The following UBE2Q1 variants were observed in gnomAD, a reference collection of about 807,000 sequenced individuals.
The protein encoded by UBE2Q1 is ubiquitin-conjugating enzyme E2 Q1.
Under a neutral mutation model 60.1 loss-of-function variants are expected in UBE2Q1, and 6 were observed. That is an observed-to-expected ratio of 0.10 (90% CI 0.05 to 0.20). The LOEUF (loss-of-function observed/expected upper bound fraction) is 0.20. Ranked by LOEUF, UBE2Q1 falls within the 10% of genes least tolerant of loss-of-function variation. UBE2Q1 has a pLI of 1.00. For synonymous variants in UBE2Q1, 226 were observed against 208.3 expected (o/e 1.09, Z -0.73); for missense variants, 262 against 525.8 (o/e 0.50, Z 4.91).
At chr1:154,552,210 A>T (rs1345633087) in intron 7 of UBE2Q1, 27 bp from the exon 8 acceptor site, 3 of 1,613,848 alleles carry the variant, frequency 1.9e-6, no homozygotes, top group Non-Finnish European at 2.5e-6. Flanking sequence ...CTGGGCTCAG[A>T]TGCCTGGTTC....
At chr1:154,555,290 A>AGGGT in intron 3 of UBE2Q1, 138 bp downstream of exon 3, 1 of 721,492 alleles carries the variant, frequency 1.4e-6, no homozygotes, top group African/African-American at 1.7e-5. Flanking sequence ...GAGAAGAACG[A>AGGGT]GGGTGAGAGT....
chr1:154,552,068 A>G (rs1695798640), intron 8 of UBE2Q1, 25 bp downstream of exon 8: 1 of 1,614,084 alleles, frequency 6.2e-7, no homozygotes, highest in Non-Finnish European at 8.5e-7. Flanking sequence ...GGCCAGAGGG[A>G]GAGACTGGAA....
Position 154,558,363 on chromosome 1 carries a change from G to C in UBE2Q1, c.191C>G (p.Ala64Gly). ...RGHERFRIASACLDELSCEFL... is the reference protein window; with the variant it reads ...RGHERFRIASGCLDELSCEFL... ...CTCGCAGCTCAGCTCGTCCAGGCAG[G>C]CGCTGGCAATGCGGAAGCGCTCGTG... Residue 64 changes from alanine (A) to glycine (G), a missense_variant, in exon 1 of 13, where the codon GCC becomes GGC. Transcript: ENST00000292211. The C allele has an allele frequency of 6.4e-7, 1 of 1,554,798 alleles. No homozygotes were observed. The highest frequency in any genetic ancestry group is 8.7e-7 in the Non-Finnish European group (1 of 1,152,724).
rs368389808 is a variant in UBE2Q1 at position 154,558,614 on chromosome 1, TCCGCCGCCGCCGCCGCCGCCG to T, written c.-82_-62del. On this transcript the variant is annotated 5_prime_UTR_variant, in exon 1 of 13. Coordinates refer to ENST00000292211, the MANE Select transcript of UBE2Q1 (RefSeq NM_017582.7). ...GGAGCCTCCGGCCTGCGCTCCGGGC[TCCGCCGCCGCCGCCGCCGCCG>T]CCGCCGCCGCCGCGGTCCGCACTTC... is the stretch of plus-strand genomic sequence containing the variant. 4.4e-5 allele frequency: 40 copies of T among 916,086 alleles called. No individual in the cohort carries two copies. Among genetic ancestry groups the T allele is most frequent in the African/African-American group, 2.3e-4 (12 of 53,002 alleles). 56.7% of individuals were successfully genotyped at this position (916,086 alleles called of 1,614,324 possible).
chr1:154,558,258 C>A lies in UBE2Q1; in HGVS notation c.296G>T (p.Gly99Val), dbSNP rs769776532. Residue 99 changes from glycine (G) to valine (V), a missense_variant, in exon 1 of 13, where the codon GGG (glycine) becomes GTG (valine). Transcript: ENST00000292211. ...PHLPPRGSVPGDPVRIHCNIT... is the reference protein window; with the variant it reads ...PHLPPRGSVPVDPVRIHCNIT... ...GTTGCAGTGGATGCGGACAGGATCC[C>A]CAGGCACCGACCCCCGTGGGGGGAG... 1 of 1,564,734 alleles carries A rather than the reference C, an allele frequency of 6.4e-7. No individual in the cohort carries two copies. Among genetic ancestry groups the A allele is most frequent in the Non-Finnish European group, 8.6e-7 (1 of 1,158,294 alleles).
At chr1:154,555,810 G>T in intron 2 of UBE2Q1, 50 bp downstream of exon 2, 2 of 1,534,166 alleles carry the variant, frequency 1.3e-6, no homozygotes, top group Non-Finnish European at 1.8e-6. Context: ...TGCCTTTGTG[G>T]CATGGGCCTC....
chr1:154,551,183 T>C, intron 11 of UBE2Q1, 179 bp from the exon 12 acceptor site: 1 of 872,100 alleles, frequency 1.1e-6, no homozygotes, highest in Non-Finnish European at 1.8e-6. Context: ...TAGTCTTCCT[T>C]TTCCAGACCC....
intron 7 of UBE2Q1, 68 bp from the exon 8 acceptor site, chr1:154,552,251 C>T: frequency 6.2e-7 from 1 of 1,600,304 alleles, no homozygotes; most frequent in Non-Finnish European, 8.6e-7. Flanking sequence ...GGCTCCCCTG[C>T]CCTGGCTGGC....
chr1:154,555,502 C>T lies in UBE2Q1; in HGVS notation c.463G>A (p.Asp155Asn). The change falls in exon 3 of 13, where the codon GAC (aspartate) becomes AAC (asparagine). Residue 155 changes from aspartate to asparagine, a missense_variant. Transcript: ENST00000292211. ...GGGAGGTTATAGAGTTTACACAGGT[C>T]GGAGATGATCCTCTTCAGATGCTGC... Reference protein sequence around the residue: ...LLQHLKRIISDLCKLYNLPQH... With the variant: ...LLQHLKRIISNLCKLYNLPQH... 1.9e-6 allele frequency: 3 copies of T among 1,614,122 alleles called. No homozygotes were observed. Among genetic ancestry groups the T allele is most frequent in the Non-Finnish European group, 2.5e-6 (3 of 1,180,026 alleles).
chr1:154,554,831 G>C, intron 3 of UBE2Q1, 46 bp from the exon 4 acceptor site: 1 of 1,602,140 alleles, frequency 6.2e-7, no homozygotes, highest in Non-Finnish European at 8.5e-7. Flanking sequence ...CCAGTGGCTT[G>C]CTAGAATGCA....
At chr1:154,554,807 T>TG in intron 3 of UBE2Q1, 22 bp from the exon 4 acceptor site, 1 of 1,612,428 alleles carries the variant, frequency 6.2e-7, no homozygotes, top group Non-Finnish European at 8.5e-7. Context: ...AAGGGAAAGA[T>TG]GGAGATCAGA....
At position 154,554,465 on chromosome 1, in the gene UBE2Q1, G is replaced by A. The variant is rs1213616475; in HGVS notation, c.588+270C>T. On this transcript the variant is annotated intron_variant, in intron 4 of 12. Coordinates refer to ENST00000292211, the MANE Select transcript of UBE2Q1 (RefSeq NM_017582.7). ...TAAAATTCCTCAATTAGGATAGCTA[G>A]GATGCAAACACAGGTTTGTTGGACT... 3.3e-5 allele frequency among the ~76,000 whole-genome samples: 5 copies of A among 152,168 alleles called. No individual in the cohort carries two copies. The South Asian group carries it at 8.3e-4, about 25-fold the overall frequency.
chr1:154,553,249 C>T (rs1557845178), intron 4 of UBE2Q1, 77 bp from the exon 5 acceptor site: 1 of 1,542,458 alleles, frequency 6.5e-7, no homozygotes, highest in Non-Finnish European at 8.7e-7. Flanking sequence ...ATCACCTTCC[C>T]AGTCCCATTT....
rs1695853783 is a variant in UBE2Q1, at chr1:154,554,799, G to C, written c.538-14C>G. The C allele has an allele frequency of 6.2e-7, 1 of 1,612,704 alleles. No homozygotes were observed. The highest frequency in any genetic ancestry group is 8.5e-7 in the Non-Finnish European group (1 of 1,178,984). ...TTCCTGTGTGCACTGCAGCAAGGAA[G>C]GGAAAGATGGAGATCAGAGCCCCAG... On this transcript the variant is annotated splice_polypyrimidine_tract_variant and intron_variant, in intron 3 of 12. Transcript: ENST00000292211.
At chr1:154,556,829 G>A (rs1377162884) in intron 1 of UBE2Q1, among the ~76,000 whole-genome samples, 1 of 152,098 alleles carries the variant, frequency 6.6e-6, no homozygotes, top group Non-Finnish European at 1.5e-5. Context: ...GCTGGATAGG[G>A]GCAAACCTAC....
Position 154,555,550 on chromosome 1 carries a change from C to G in UBE2Q1, c.433-18G>C, listed in dbSNP as rs1291672534. The G allele has an allele frequency of 2.5e-6, 4 of 1,606,592 alleles. No homozygotes were observed. Among genetic ancestry groups the G allele is most frequent in the East Asian group, 2.2e-5 (1 of 44,852 alleles). ...TGCAATAGCTACAGGTAGGGGAGCA[C>G]AGAGACATCAAATCCTTCCCCACTC... On this transcript the variant is annotated intron_variant, in intron 2 of 12. Coordinates refer to ENST00000292211, the MANE Select transcript of UBE2Q1 (RefSeq NM_017582.7).
In UBE2Q1 at chr1:154,558,293, G is replaced by T; in HGVS notation, c.261C>A (p.Pro87=). Residue 87 remains proline, a synonymous_variant, in exon 1 of 13, where the codon CCC becomes CCA. Coordinates refer to ENST00000292211, the MANE Select transcript of UBE2Q1 (RefSeq NM_017582.7). ...ACCCCCGTGGGGGGAGATGCGGTCC[G>T]GGCGCGGCCCCCGCCCCGGCCCCTC... ...GAGGAGAGAA[P]GPHLPPRGSV... The T allele has an allele frequency of 6.3e-7, 1 of 1,583,898 alleles. No individual in the cohort carries two copies. Among genetic ancestry groups the T allele is most frequent in the African/African-American group, 1.4e-5 (1 of 72,758 alleles).
chr1:154,558,182 C>T, intron 1 of UBE2Q1, 45 bp downstream of exon 1: 1 of 1,449,784 alleles, frequency 6.9e-7, no homozygotes, highest in Non-Finnish European at 9.2e-7. Flanking sequence ...ATCCTGGGTC[C>T]CTGACAAGGG....
rs187238475 is a variant in UBE2Q1, at chr1:154,554,156, C to T, written c.588+579G>A. 3.9e-5 allele frequency among the ~76,000 whole-genome samples: 6 copies of T among 152,290 alleles called. No homozygotes were observed. The East Asian group carries it at 5.8e-4, about 15-fold the overall frequency. On this transcript the variant is annotated intron_variant, in intron 4 of 12. Transcript: ENST00000292211. ...TCTATCATTATCCATTTTATAGATG[C>T]GGAAGCTGAGTCTAGTGAGGTCAAT...
Sources: gnomAD v4.1 joint callset for allele counts (sites outside exome capture counted in the v4.1 genomes callset) on GRCh38, gnomAD v4.1.1 for gene constraint, MANE v1.5 for transcripts, NCBI Gene and HGNC (gene_info 2026-07-23, HGNC 2026-07-21) for gene names.